CCDC141: variants seen among roughly 807,000 people sequenced by gnomAD.
CCDC141 encodes coiled-coil domain containing 141, also known as coiled-coil domain-containing protein 141.
Under a neutral mutation model 181.0 loss-of-function variants are expected in CCDC141, and 168 were observed. That is an observed-to-expected ratio of 0.93 (90% confidence interval 0.82 to 1.05). The LOEUF (loss-of-function observed/expected upper bound fraction) is 1.05, where lower values mean the gene tolerates loss of function less well. Among genes scored for constraint, CCDC141 ranks in the 50% least tolerant of loss-of-function variants. The probability of loss-of-function intolerance (pLI) is 0.00; values close to 1 mark genes in which losing one functional copy is unlikely to be tolerated. For missense variants in CCDC141, 1,902 were observed against 1,788.5 expected, an observed-to-expected ratio of 1.06 and a Z score of -1.14; for synonymous variants, 666 against 642.3, an observed-to-expected ratio of 1.04 and a Z score of -0.56.
chr2:178,923,176 C>T (rs1688774059), intron 6 of CCDC141, among the ~76,000 whole-genome samples: 1 of 147,098 alleles, frequency 6.8e-6, no homozygotes, highest in Non-Finnish European at 1.5e-5. Flanking sequence ...GGGATCTCGG[C>T]TCACTGCAAG....
chr2:178,980,969 G>T (rs1217047502), intron 2 of CCDC141, among the ~76,000 whole-genome samples: 2 of 152,150 alleles, frequency 1.3e-5, no homozygotes, highest in African/African-American at 4.8e-5. Context: ...TCTACACAGA[G>T]AATATTTTAG....
chr2:178,865,654 A>G, intron 17 of CCDC141, 113 bp downstream of exon 17: 1 of 993,632 alleles, frequency 1.0e-6, no homozygotes, highest in Non-Finnish European at 1.4e-6. Context: ...CTCCTGATTC[A>G]TTGTGTGTTT....
At chr2:178,988,682 A>G (rs1034896416) in intron 2 of CCDC141, among the ~76,000 whole-genome samples, 3 of 152,138 alleles carry the variant, frequency 2.0e-5, no homozygotes, top group Admixed American at 2.0e-4. Context: ...GTGGACTTGT[A>G]AGGGGATCAT....
At chr2:179,048,294 A>T (rs2043565375) in intron 1 of CCDC141, among the ~76,000 whole-genome samples, 1 of 152,174 alleles carries the variant, frequency 6.6e-6, no homozygotes, top group Non-Finnish European at 1.5e-5. Context: ...CTTCCATTCC[A>T]TTAAGGTGGA....
At position 178,941,644 on chromosome 2, in the gene CCDC141, C is replaced by T. The variant is rs79761177; in HGVS notation, c.897+2891G>A. On this transcript the variant is annotated intron_variant, in intron 6 of 23. Transcript: ENST00000443758. ...AAAAAAAGAAATCCCAATAAATAAA[C>T]GAACCTCCCCCTTTAGAAAATAAAT... Among the ~76,000 whole-genome samples the T allele has an allele frequency of 4.2e-3, 638 of 151,904 alleles. 1 individual carries two copies. Among genetic ancestry groups the T allele is most frequent in the Middle Eastern group, 0.024 (7 of 294 alleles).
chr2:179,038,016 A>G (rs2043191841), intron 2 of CCDC141, among the ~76,000 whole-genome samples: 1 of 152,232 alleles, frequency 6.6e-6, no homozygotes, highest in African/African-American at 2.4e-5. Context: ...CTACATATAT[A>G]TTCAAAAGAA....
intron 12 of CCDC141, chr2:178,876,985 T>G (rs921642483): frequency 6.6e-6 from 1 of 152,156 alleles, no homozygotes; most frequent in African/African-American, 2.4e-5. Context: ...AAAGTGAAAC[T>G]ACTGCTAAAA....
intron 2 of CCDC141, among the ~76,000 whole-genome samples, chr2:179,020,364 T>C (rs979395091): frequency 6.6e-6 from 1 of 152,132 alleles, no homozygotes; most frequent in African/African-American, 2.4e-5. Context: ...GAACTAAGGA[T>C]CTGCATGTCA....
In CCDC141 at chr2:178,868,108, T is replaced by C; in HGVS notation, c.2492A>G (p.Gln831Arg). 1.9e-6 allele frequency: 3 copies of C among 1,614,054 alleles called. No individual in the cohort carries two copies. The highest frequency in any genetic ancestry group is 2.5e-6 in the Non-Finnish European group (3 of 1,179,938). The stretch of plus-strand genomic sequence containing the variant: ...ATGGTCTACACGGGCTTGCTTTTCC[T>C]GAGAGCACCGGAGGTGAATCTGCAC... ...HDVQIHLRCS[Q>R]EKQARVDHLH... The change falls in exon 16 of 24, where the codon CAG (glutamine) becomes CGG (arginine). Residue 831 changes from glutamine to arginine, a missense_variant. Gln to Arg is a conservative substitution (Grantham distance 43). Transcript: ENST00000443758.
intron 11 of CCDC141, among the ~76,000 whole-genome samples, chr2:178,882,494 G>A (rs1483698569): frequency 6.6e-6 from 1 of 152,196 alleles, no homozygotes; most frequent in African/African-American, 2.4e-5. Context: ...CTGAACAGGA[G>A]CAAAGACTTT....
chr2:178,862,006 G>A (rs1352382284), intron 17 of CCDC141, among the ~76,000 whole-genome samples: 1 of 152,132 alleles, frequency 6.6e-6, no homozygotes, highest in Non-Finnish European at 1.5e-5. Context: ...TTTTGTCAGT[G>A]GCAAAGCACT....
chr2:178,896,677 A>G lies in CCDC141; in HGVS notation c.1266-8009T>C, dbSNP rs1299365553. ...GAATGAAAGGAGTAGAAAGACAAAA[A>G]CTGGCAACCTAACAGAGTAGTTCAG... On this transcript the variant is annotated intron_variant, in intron 8 of 23. Transcript: ENST00000443758. Among the ~76,000 whole-genome samples the G allele has an allele frequency of 3.9e-5, 6 of 152,242 alleles. No homozygotes were observed. The East Asian group carries it at 1.2e-3, about 29-fold the overall frequency.
At chr2:178,867,621 C>T (rs1285535162) in intron 16 of CCDC141, among the ~76,000 whole-genome samples, 1 of 152,148 alleles carries the variant, frequency 6.6e-6, no homozygotes, top group Non-Finnish European at 1.5e-5. Flanking sequence ...TCCCAACATA[C>T]TTAAAAGTTG....
intron 6 of CCDC141, among the ~76,000 whole-genome samples, chr2:178,944,161 G>A (rs1357394506): frequency 6.6e-6 from 1 of 152,192 alleles, no homozygotes; most frequent in Non-Finnish European, 1.5e-5. Context: ...CACTGGTCAA[G>A]TGACTTGGCA....
At chr2:179,032,371 G>A (rs2043023945) in intron 2 of CCDC141, among the ~76,000 whole-genome samples, 1 of 152,148 alleles carries the variant, frequency 6.6e-6, no homozygotes, top group Non-Finnish European at 1.5e-5. Context: ...GGGGGTGGTG[G>A]TGGCTTGGAC....
chr2:178,961,606 G>C (rs1309251599), intron 4 of CCDC141, 123 bp from the exon 5 acceptor site: 5 of 854,172 alleles, frequency 5.9e-6, no homozygotes, highest in Non-Finnish European at 8.7e-6. Context: ...AAGTTGTGCT[G>C]CAAGGAATTA....
At chr2:179,041,575 C>A (rs2043309081) in intron 2 of CCDC141, among the ~76,000 whole-genome samples, 1 of 132,232 alleles carries the variant, frequency 7.6e-6, no homozygotes, top group Non-Finnish European at 1.5e-5. Flanking sequence ...ACAATACTAA[C>A]CTTAAATGTA....
Position 178,833,765 on chromosome 2 carries a change from T to A in CCDC141, c.*408A>T, listed in dbSNP as rs1684356654. 1 of 163,450 alleles carries A rather than the reference T, an allele frequency of 6.1e-6. No individual in the cohort carries two copies. The highest frequency in any genetic ancestry group is 2.4e-5 in the African/African-American group (1 of 41,636). The allele number at this position is 163,450 out of a possible 1,614,324, so 10.1% of individuals were successfully genotyped here. A position where few individuals can be genotyped will look rare whatever the true frequency, so the allele number is the denominator to read the frequency against. On this transcript the variant is annotated 3_prime_UTR_variant, in exon 24 of 24. Transcript: ENST00000443758. Reference sequence around the variant, plus strand: ...CATCAATTCAATAGTTCTACTGATATTCCCTACAAAGGGATGTTTTAAAAT... The same window carrying A: ...CATCAATTCAATAGTTCTACTGATAATCCCTACAAAGGGATGTTTTAAAAT...
At chr2:179,020,362 G>T (rs2042661873) in intron 2 of CCDC141, among the ~76,000 whole-genome samples, 1 of 152,138 alleles carries the variant, frequency 6.6e-6, no homozygotes, top group Non-Finnish European at 1.5e-5. Flanking sequence ...GGGAACTAAG[G>T]ATCTGCATGT....
Sources: gnomAD v4.1 joint callset for allele counts (sites outside exome capture counted in the v4.1 genomes callset) on GRCh38, gnomAD v4.1.1 for gene constraint, MANE v1.5 for transcripts, NCBI Gene and HGNC (gene_info 2026-07-23, HGNC 2026-07-21) for gene names.